Variants in RNF19B observed in about 807,000 individuals in gnomAD.
The protein encoded by RNF19B is E3 ubiquitin-protein ligase RNF19B.
A neutral mutation model predicts 65.5 loss-of-function variants in RNF19B; 23 were observed. That is an observed-to-expected ratio of 0.35 (90% CI 0.25 to 0.50). RNF19B has a LOEUF of 0.50. RNF19B is among the 20% of genes least tolerant of loss of function. The pLI, the probability that RNF19B is intolerant of heterozygous loss-of-function variation, is 0.98. For missense variants in RNF19B, 794 were observed against 980.0 expected (o/e 0.81, Z 2.53); for synonymous variants, 372 against 379.6 (o/e 0.98, Z 0.23).
intron 1 of RNF19B, 22 bp from the exon 2 acceptor site, chr1:32,949,796 G>A: frequency 2.5e-6 from 4 of 1,579,834 alleles, no homozygotes; most frequent in Non-Finnish European, 3.5e-6. Context: ...AACAGTAAGA[G>A]ATACCAGTAA....
chr1:32,940,162 CCA>C (rs906438151), intron 7 of RNF19B, among the ~76,000 whole-genome samples: 41 of 152,166 alleles, frequency 2.7e-4, no homozygotes, highest in Non-Finnish European at 1.0e-4. Context: ...TTCAGGTCTG[CCA>C]CAGAATCACT....
intron 1 of RNF19B, among the ~76,000 whole-genome samples, chr1:32,959,968 G>A (rs747312264): frequency 1.3e-5 from 2 of 151,694 alleles, no homozygotes; most frequent in South Asian, 2.1e-4. Flanking sequence ...GGAGAATGGC[G>A]TGAACCCGGC....
intron 1 of RNF19B, among the ~76,000 whole-genome samples, chr1:32,952,657 G>A (rs1233624377): frequency 6.6e-6 from 1 of 151,474 alleles, no homozygotes. Context: ...GAGGAGAATC[G>A]CTTGAACCCG....
chr1:32,963,200 T>C (rs988957355), intron 1 of RNF19B, among the ~76,000 whole-genome samples: 3 of 152,098 alleles, frequency 2.0e-5, no homozygotes, highest in Non-Finnish European at 4.4e-5. Flanking sequence ...TGCCTCCCGA[T>C]AGCGTGGCAC....
At chr1:32,948,103 A>T (rs1642409895) in intron 3 of RNF19B, 119 bp downstream of exon 3, 1 of 986,794 alleles carries the variant, frequency 1.0e-6, no homozygotes, top group Middle Eastern at 2.2e-4. Context: ...TGTCAGAAGA[A>T]GTTTTCACAG....
intron 8 of RNF19B, among the ~76,000 whole-genome samples, chr1:32,937,779 CATGCACACGTGTGCTCAG>C (rs1177032268): frequency 1.3e-5 from 2 of 152,080 alleles, no homozygotes; most frequent in East Asian, 1.9e-4. Context: ...TTTAACTATA[CATGCACACGTGTGCTCAG>C]ATGCACACAC....
Position 32,964,557 on chromosome 1 carries a change from G to A in RNF19B, c.129C>T (p.Ala43=). ...GCTTGGCCCGGGCGCGGCGGCCGCG[G>A]GCCGAGGCAGAGAAGACGCTGTGCA... ...LTLHSVFSAS[A]RGRRARAKPQ... is the part of the protein sequence containing the mutation. Residue 43 remains alanine, a synonymous_variant, in exon 1 of 9, where the codon GCC becomes GCT. Transcript: ENST00000235150. This position sits in a 1 kb window ranked among gnomAD's most constrained non-coding sequence, Gnocchi z 6.5. 7.5e-7 allele frequency: 1 copy of A among 1,330,526 alleles called. No homozygotes were observed. The highest frequency in any genetic ancestry group is 9.7e-7 in the Non-Finnish European group (1 of 1,033,370). 82.4% of individuals were successfully genotyped at this position (1,330,526 alleles called of 1,614,324 possible).
At chr1:32,929,213 C>G in the RNF19B span, among the ~76,000 whole-genome samples, 32 of 152,308 alleles carry the variant, frequency 2.1e-4, no homozygotes, top group African/African-American at 7.7e-4. Context: ...TCACCCCAGT[C>G]TCTGCCTTCA....
downstream of RNF19B, among the ~76,000 whole-genome samples, chr1:32,932,275 A>C (rs1266140226): frequency 1.3e-5 from 2 of 152,200 alleles, no homozygotes. Context: ...AACATATCGC[A>C]AACTGCTATC....
intron 7 of RNF19B, 76 bp from the exon 8 acceptor site, chr1:32,938,604 C>G: frequency 6.9e-7 from 1 of 1,450,378 alleles, no homozygotes; most frequent in Non-Finnish European, 9.5e-7. Flanking sequence ...GCACACATCT[C>G]TTCCATTACT....
chr1:32,956,339 T>C (rs1642638278), intron 1 of RNF19B, among the ~76,000 whole-genome samples: 1 of 152,172 alleles, frequency 6.6e-6, no homozygotes, highest in Non-Finnish European at 1.5e-5. Context: ...ATTGCACCAC[T>C]GCACTCCAGC....
In RNF19B at chr1:32,938,573, T is replaced by A. The variant is rs771111232; in HGVS notation, c.1611-45A>T. 1.9e-6 allele frequency: 3 copies of A among 1,587,934 alleles called. No individual in the cohort carries two copies. In the East Asian group the frequency reaches 6.7e-5, roughly 36 times the overall value. On this transcript the variant is annotated intron_variant, in intron 7 of 8. Transcript: ENST00000235150. The stretch of plus-strand genomic sequence containing the variant: ...TCAAGTTAATATGAGACCTGGGTAT[T>A]CCAAGACAGTCTGCTTCCTGGCACA...
intron 1 of RNF19B, among the ~76,000 whole-genome samples, chr1:32,959,088 A>T (rs1417335035): frequency 6.6e-6 from 1 of 152,116 alleles, no homozygotes; most frequent in East Asian, 1.9e-4. Context: ...AGCTTGCTTG[A>T]TCTTCCCTCA....
intron 7 of RNF19B, 49 bp downstream of exon 7, chr1:32,942,203 A>C: frequency 6.8e-7 from 1 of 1,463,420 alleles, no homozygotes; most frequent in South Asian, 1.2e-5. Context: ...TCAATGTGTT[A>C]CTTCTTATAA....
At chr1:32,951,353 T>G (rs1461880993) in intron 1 of RNF19B, among the ~76,000 whole-genome samples, 1 of 152,224 alleles carries the variant, frequency 6.6e-6, no homozygotes, top group African/African-American at 2.4e-5. Context: ...TGGGCACACT[T>G]GGCACAGCCC....
chr1:32,939,326 T>C (rs1570079315), intron 7 of RNF19B, among the ~76,000 whole-genome samples: 1 of 152,216 alleles, frequency 6.6e-6, no homozygotes, highest in Admixed American at 6.5e-5. Context: ...TAGCTGGGAT[T>C]ATGGGTTCCC....
At chr1:32,950,979 A>G (rs1471830641) in intron 1 of RNF19B, among the ~76,000 whole-genome samples, 1 of 151,922 alleles carries the variant, frequency 6.6e-6, no homozygotes, top group Non-Finnish European at 1.5e-5. Flanking sequence ...AGCTGGGACT[A>G]TAGGCATGCA....
intron 2 of RNF19B, 147 bp downstream of exon 2, chr1:32,949,422 A>G (rs1642437831): frequency 3.1e-6 from 2 of 642,434 alleles, no homozygotes; most frequent in Non-Finnish European, 5.3e-6. Context: ...TATCTTTATT[A>G]TAATATTGAA....
intron 1 of RNF19B, among the ~76,000 whole-genome samples, chr1:32,958,665 G>A (rs1210302099): frequency 6.6e-6 from 1 of 151,556 alleles, no homozygotes; most frequent in African/African-American, 2.4e-5. Context: ...GCAGTGAGCC[G>A]AGATTGCACC....
Sources: allele counts gnomAD v4.1 joint callset (sites outside exome capture counted in the v4.1 genomes callset), GRCh38; gene constraint gnomAD v4.1.1; non-coding constraint Gnocchi (gnomAD v3.1); transcripts MANE v1.5; gene names NCBI Gene and HGNC (gene_info 2026-07-23, HGNC 2026-07-21).